KIR3DL1: variants seen among roughly 807,000 people sequenced by gnomAD.
KIR3DL1 encodes the protein killer cell immunoglobulin like receptor, three Ig domains and long cytoplasmic tail 1, also known as killer cell immunoglobulin-like receptor 3DL1.
In KIR3DL1, 50 loss-of-function variants were observed where a neutral mutation model predicts 40.3. That is an observed-to-expected ratio of 1.24 (90% CI 0.99 to 1.57). KIR3DL1 has a LOEUF of 1.57. Ranked by LOEUF, KIR3DL1 falls within the 40% of genes most tolerant of loss-of-function variation. The probability of loss-of-function intolerance (pLI) is 0.00; values close to 1 mark genes in which losing one functional copy is unlikely to be tolerated. For synonymous variants in KIR3DL1, 257 were observed against 207.2 expected (o/e 1.24, Z -2.07); for missense variants, 661 against 559.9 (o/e 1.18, Z -1.82).
chr19:54,821,618 G>A, exon 5 of KIR3DL1: 1 of 1,608,990 alleles, frequency 6.2e-7, no homozygotes, highest in Non-Finnish European at 8.5e-7. Context: ...GGTTCAGGCA[G>A]GAGAGAGCGT....
chr19:54,825,421 G>C (rs631687), intron 6 of KIR3DL1, among the ~76,000 whole-genome samples: 27,015 of 149,140 alleles, frequency 0.18, 2,802 homozygotes, highest in South Asian at 0.31. Flanking sequence ...GGGAACATCT[G>C]ATGAGGGCGA....
At chr19:54,817,183 C>A (rs1193803648) in intron 1 of KIR3DL1, among the ~76,000 whole-genome samples, 2 of 144,318 alleles carry the variant, frequency 1.4e-5, no homozygotes, top group Non-Finnish European at 3.0e-5. Context: ...GAGATATGAG[C>A]CTGGAGTGGA....
intron 5 of KIR3DL1, among the ~76,000 whole-genome samples, chr19:54,823,002 G>A (rs976074164): frequency 9.4e-5 from 14 of 148,658 alleles, no homozygotes; most frequent in African/African-American, 3.0e-4. Flanking sequence ...AAACCCAGTA[G>A]TGAAATTGCT....
chr19:54,824,520 T>C (rs2061786322), intron 5 of KIR3DL1, among the ~76,000 whole-genome samples: 2 of 151,146 alleles, frequency 1.3e-5, no homozygotes, highest in South Asian at 4.2e-4. Flanking sequence ...CTACTAAAAA[T>C]ACAAAAATTA....
At chr19:54,827,432 T>G (rs58316128) in intron 6 of KIR3DL1, among the ~76,000 whole-genome samples, 2,033 of 143,338 alleles carry the variant, frequency 0.014, 153 homozygotes, top group African/African-American at 0.05. Flanking sequence ...CTCTACATGG[T>G]GAAACCCTAT....
In KIR3DL1 at chr19:54,820,026, G is replaced by C. The variant is rs2061558343; in HGVS notation, c.655+14G>C. On this transcript the variant is annotated intron_variant, in intron 4 of 8. Coordinates refer to ENST00000391728, the Ensembl canonical transcript of KIR3DL1. ...TCGTGGTCACAGGTGAGAGTGTCTAGACATTGTTCTCATTGTCACTGGGAC... is the reference window on the plus strand; with the variant it reads ...TCGTGGTCACAGGTGAGAGTGTCTACACATTGTTCTCATTGTCACTGGGAC... 6.2e-7 allele frequency: 1 copy of C among 1,606,696 alleles called. No individual in the cohort carries two copies. The highest frequency in any genetic ancestry group is 8.5e-7 in the Non-Finnish European group (1 of 1,176,176).
At chr19:54,818,405 G>A (rs775110236) in exon 3 of KIR3DL1, 1 of 1,607,688 alleles carries the variant, frequency 6.2e-7, no homozygotes, top group Admixed American at 1.7e-5. Context: ...TATCGTCATA[G>A]GTTTAACAAT....
chr19:54,828,556 C>T (rs1601430995), intron 6 of KIR3DL1, among the ~76,000 whole-genome samples: 1 of 151,136 alleles, frequency 6.6e-6, no homozygotes, highest in Non-Finnish European at 1.5e-5. Context: ...TGGAGTCACC[C>T]CATTTGCAGT....
rs770260710 is a variant in KIR3DL1, at chr19:54,830,290, C to G, written c.*15C>G. ...CCTGCCCATGAGCACCACAGTCAGG[C>G]CTTGAGGACGTCTTCTAGGGAGACA... is the stretch of plus-strand genomic sequence containing the variant. On this transcript the variant is annotated 3_prime_UTR_variant, in exon 9 of 9. Coordinates refer to ENST00000391728, the Ensembl canonical transcript of KIR3DL1. 9 of 1,521,650 alleles carry G rather than the reference C, an allele frequency of 5.9e-6. 1 individual carries two copies. The highest frequency in any genetic ancestry group is 8.9e-7 in the Non-Finnish European group (1 of 1,120,598). The allele number at this position is 1,521,650 out of a possible 1,614,324, so 94.3% of individuals were successfully genotyped here.
chr19:54,828,574 G>C (rs139660773), intron 6 of KIR3DL1, among the ~76,000 whole-genome samples: 2,006 of 150,936 alleles, frequency 0.013, 136 homozygotes, highest in African/African-American at 0.046. Context: ...AGTGTAGCTG[G>C]GGGAAGCCAG....
At chr19:54,828,103 G>C (rs4806576) in intron 6 of KIR3DL1, among the ~76,000 whole-genome samples, 74,857 of 148,696 alleles carry the variant, frequency 0.5, 20,154 homozygotes, top group Non-Finnish European at 0.56. Context: ...CCCAGCCTCT[G>C]AGGTAGAACA....
intron 3 of KIR3DL1, 49 bp from the exon 4 acceptor site, chr19:54,819,664 T>C: frequency 6.4e-7 from 1 of 1,571,054 alleles, no homozygotes; most frequent in South Asian, 1.1e-5. Flanking sequence ...GTGCCATGGA[T>C]GGGATGATAA....
At chr19:54,820,330 G>A (rs556808458) in intron 4 of KIR3DL1, among the ~76,000 whole-genome samples, 1 of 151,632 alleles carries the variant, frequency 6.6e-6, no homozygotes, top group East Asian at 1.9e-4. Flanking sequence ...ACCTGGCACA[G>A]GTTAGAAGTT....
chr19:54,829,296 G>A, intron 6 of KIR3DL1, 65 bp from the exon 7 acceptor site: 2 of 1,284,806 alleles, frequency 1.6e-6, no homozygotes, highest in Non-Finnish European at 2.2e-6. Context: ...ATCAAGAAAT[G>A]CAAGACAATT....
intron 6 of KIR3DL1, among the ~76,000 whole-genome samples, chr19:54,825,703 G>T (rs71367110): frequency 0.46 from 64,457 of 139,136 alleles, 12,179 homozygotes; most frequent in Non-Finnish European, 0.52. Flanking sequence ...GCTCAAAGTA[G>T]GAAGTGCATC....
chr19:54,817,689 T>C, intron 2 of KIR3DL1, 120 bp downstream of exon 2: 1 of 804,364 alleles, frequency 1.2e-6, no homozygotes, highest in East Asian at 3.5e-5. Context: ...CCTCGGATGC[T>C]CGGCCCACAT....
At chr19:54,822,227 C>T (rs1462539047) in intron 5 of KIR3DL1, among the ~76,000 whole-genome samples, 1 of 151,212 alleles carries the variant, frequency 6.6e-6, no homozygotes, top group Non-Finnish European at 1.5e-5. Context: ...ACCAGCAACC[C>T]CTACACCCTT....
intron 6 of KIR3DL1, among the ~76,000 whole-genome samples, chr19:54,825,377 A>G (rs1288549798): frequency 2.0e-5 from 3 of 150,598 alleles, no homozygotes; most frequent in Non-Finnish European, 4.4e-5. Flanking sequence ...TAACTGGAGG[A>G]TAAATTCCTG....
chr19:54,823,137 T>C lies in KIR3DL1; in HGVS notation c.949+1279T>C, dbSNP rs190971309. 4.2e-3 allele frequency among the ~76,000 whole-genome samples: 632 copies of C among 150,850 alleles called. 18 individuals are homozygous for C. Among genetic ancestry groups the C allele is most frequent in the Non-Finnish European group, 6.6e-3 (445 of 67,846 alleles). On this transcript the variant is annotated intron_variant, in intron 5 of 8. Coordinates refer to ENST00000391728, the Ensembl canonical transcript of KIR3DL1. Reference sequence around the variant, plus strand: ...GCAACCTGTGCCTCCTAGGTTCAAATGATTGTCCTGACTCAGCCTCCCTAG... The same window carrying C: ...GCAACCTGTGCCTCCTAGGTTCAAACGATTGTCCTGACTCAGCCTCCCTAG...
Sources: gnomAD v4.1 joint callset for allele counts (sites outside exome capture counted in the v4.1 genomes callset) on GRCh38, gnomAD v4.1.1 for gene constraint, MANE v1.5 for transcripts, NCBI Gene and HGNC (gene_info 2026-07-23, HGNC 2026-07-21) for gene names.